The following PCK2 variants were observed in gnomAD, a reference collection of about 807,000 sequenced individuals.
PCK2 encodes phosphoenolpyruvate carboxykinase 2, mitochondrial, also known as phosphoenolpyruvate carboxykinase [GTP], mitochondrial.
PCK2 carries 56 observed loss-of-function variants against 65.9 expected under a neutral mutation model. The ratio of observed to expected loss-of-function variants is 0.85; its 90% CI spans 0.69 to 1.06. PCK2 has a LOEUF of 1.06. PCK2 is among the 50% of genes least tolerant of loss of function. The pLI, the probability that PCK2 is intolerant of heterozygous loss-of-function variation, is 0.00. For synonymous variants in PCK2, 305 were observed against 319.6 expected (o/e 0.95, Z 0.49); for missense variants, 843 against 863.1 (o/e 0.98, Z 0.29).
chr14:24,103,251 C>A lies in PCK2; in HGVS notation c.1464C>A (p.His488Gln). 6.2e-7 allele frequency: 1 copy of A among 1,611,056 alleles called. No homozygotes were observed. Among genetic ancestry groups the A allele is most frequent in the Non-Finnish European group, 8.5e-7 (1 of 1,177,264 alleles). ...MRSESTAAAE[H>Q]KGKIIMHDPF... is the part of the protein sequence containing the mutation. ...CTGAGTCCACTGCTGCAGCAGAACA[C>A]AAAGGTGAGCACCCTCACCATTCCT... Residue 488 changes from histidine (H) to glutamine (Q), a missense_variant, in exon 9 of 10, where the codon CAC (histidine) becomes CAA (glutamine). Coordinates refer to ENST00000216780, the MANE Select transcript of PCK2 (RefSeq NM_004563.4).
At chr14:24,103,447 C>T in intron 9 of PCK2, 63 bp from the exon 10 acceptor site, 1 of 1,382,340 alleles carries the variant, frequency 7.2e-7, no homozygotes, top group South Asian at 1.3e-5. Flanking sequence ...CAACTGGATG[C>T]AGGGTGCCCT....
Position 24,099,034 on chromosome 14 carries a change from C to T in PCK2, c.665-15C>T. ...GATGCTGCTGCCAGCAGCCCCATGA[C>T]CCCATTGTCCCCAGGGGAGCCAGTG... On this transcript the variant is annotated splice_polypyrimidine_tract_variant and intron_variant, in intron 4 of 9. Coordinates refer to ENST00000216780, the MANE Select transcript of PCK2 (RefSeq NM_004563.4). The T allele has an allele frequency of 6.3e-7, 1 of 1,588,340 alleles. No homozygotes were observed. The highest frequency in any genetic ancestry group is 8.6e-7 in the Non-Finnish European group (1 of 1,161,258).
At chr14:24,101,531 C>T (rs551584351) in intron 7 of PCK2, among the ~76,000 whole-genome samples, 1 of 152,348 alleles carries the variant, frequency 6.6e-6, no homozygotes, top group South Asian at 2.1e-4. Context: ...CTGAGGTTAT[C>T]CCTACCCATG....
chr14:24,094,246 C>T (rs1460816482), upstream of PCK2: 4 of 674,064 alleles, frequency 5.9e-6, no homozygotes, highest in Non-Finnish European at 7.5e-6. This position sits in a 1 kb window ranked among gnomAD's most constrained non-coding sequence, Gnocchi z 4.1. Context: ...CTAGTGCCAG[C>T]CCTACCAGGT....
At position 24,103,798 on chromosome 14, in the gene PCK2, G is replaced by A. The variant is rs1345567823; in HGVS notation, c.1757G>A (p.Gly586Asp). Residue 586 changes from glycine to aspartate, a missense_variant, in exon 10 of 10, where the codon GGC (glycine) becomes GAC (aspartate). Transcript: ENST00000216780. ...VPKEGALDLSGLRAIDTTQLF... is the reference protein window; with the variant it reads ...VPKEGALDLSDLRAIDTTQLF... ...AAGGAAGGAGCCTTGGATCTCAGCGGCCTCAGAGCTATAGACACCACTCAG... is the reference window on the plus strand; with the variant it reads ...AAGGAAGGAGCCTTGGATCTCAGCGACCTCAGAGCTATAGACACCACTCAG... The A allele has an allele frequency of 3.7e-6, 6 of 1,614,054 alleles. No individual in the cohort carries two copies. In the African/African-American group the frequency reaches 8.0e-5, roughly 22 times the overall value.
In PCK2 at chr14:24,099,996, T is replaced by G; in HGVS notation, c.1017T>G (p.Gly339=). The part of the protein sequence containing the change: ...DIAWMRFDSE[G]RLRAINPENG... ...CCTTTCTTTCACTTCTCCTAACAGG[T>G]CGACTCCGGGCCATCAACCCTGAGA... The change falls in exon 7 of 10, where the codon GGT becomes GGG. Residue 339 remains glycine (G), a splice_region_variant and synonymous_variant. Coordinates refer to ENST00000216780, the MANE Select transcript of PCK2 (RefSeq NM_004563.4). 6.2e-7 allele frequency: 1 copy of G among 1,614,194 alleles called. No homozygotes were observed.
At chr14:24,096,228 C>CTTTTT (rs34592767) in intron 1 of PCK2, among the ~76,000 whole-genome samples, 8 of 58,882 alleles carry the variant, frequency 1.4e-4, no homozygotes, top group Admixed American at 2.8e-4. Context: ...CTACTCATTT[C>CTTTTT]TTTTTTTTTT....
At chr14:24,099,774 G>A in intron 6 of PCK2, 54 bp downstream of exon 6, 2 of 1,552,492 alleles carry the variant, frequency 1.3e-6, no homozygotes, top group Non-Finnish European at 1.8e-6. Flanking sequence ...GAGCCTCGGG[G>A]TCTCCTCTCT....
At position 24,103,165 on chromosome 14, in the gene PCK2, C is replaced by A. The variant is rs911134655; in HGVS notation, c.1378C>A (p.Pro460Thr). 4 of 1,612,538 alleles carry A rather than the reference C, an allele frequency of 2.5e-6. No homozygotes were observed. The highest frequency in any genetic ancestry group is 1.1e-5 in the South Asian group (1 of 91,024). ...TCTGTTCATTGGTGATCTAGGGGTA[C>A]CCCTGGTATACGAGGCCTTCAACTG... Reference protein sequence around the residue: ...IFGGRRPKGVPLVYEAFNWRH... With the variant: ...IFGGRRPKGVTLVYEAFNWRH... Residue 460 changes from proline to threonine, a missense_variant, in exon 9 of 10, where the codon CCC becomes ACC. By Grantham distance (38) the Pro-to-Thr change is conservative. Transcript: ENST00000216780.
In PCK2 at chr14:24,096,885, C is replaced by A. The variant is rs917842713; in HGVS notation, c.30-7C>A. 3 of 1,610,862 alleles carry A rather than the reference C, an allele frequency of 1.9e-6. No homozygotes were observed. In the African/African-American group the frequency reaches 4.0e-5, roughly 22 times the overall value. ...CAACTAGCTCATTGCCTCTGTTTCT[C>A]CTATAGGCTTAACTGGCATGGGCTG... is the stretch of plus-strand genomic sequence containing the variant. On this transcript the variant is annotated splice_polypyrimidine_tract_variant and splice_region_variant and intron_variant, in intron 1 of 9. Coordinates refer to ENST00000216780, the MANE Select transcript of PCK2 (RefSeq NM_004563.4).
Position 24,094,658 on chromosome 14 carries a change from C to G in PCK2, c.29+224C>G. 2.0e-6 allele frequency: 3 copies of G among 1,504,250 alleles called. No individual in the cohort carries two copies. Among genetic ancestry groups the G allele is most frequent in the Admixed American group, 2.0e-5 (1 of 48,976 alleles). The allele number at this position is 1,504,250 out of a possible 1,614,324, so 93.2% of individuals were successfully genotyped here. A position where few individuals can be genotyped will look rare whatever the true frequency, so the allele number is the denominator to read the frequency against. On this transcript the variant is annotated intron_variant, in intron 1 of 9. Transcript: ENST00000216780. This position sits in a 1 kb window ranked among gnomAD's most constrained non-coding sequence, Gnocchi z 4.1. ...CGCCTGCACCTCCCCTTCTCTGCCT[C>G]GCTCGCCTCTGACCGCGCGATCTCT...
intron 1 of PCK2, chr14:24,095,346 G>A (rs2036821021): frequency 2.4e-6 from 1 of 417,550 alleles, no homozygotes; most frequent in Non-Finnish European, 4.9e-6. Flanking sequence ...GATGCTCACG[G>A]AGAACTTCCC....
chr14:24,102,028 C>T (rs2037180761), intron 7 of PCK2, among the ~76,000 whole-genome samples: 1 of 151,896 alleles, frequency 6.6e-6, no homozygotes, highest in Non-Finnish European at 1.5e-5. Flanking sequence ...GAGTTTGAAA[C>T]CAGCCTGGCC....
chr14:24,099,936 G>C (rs2037089034), intron 6 of PCK2, 59 bp from the exon 7 acceptor site: 4 of 1,613,632 alleles, frequency 2.5e-6, no homozygotes, highest in African/African-American at 1.3e-5. Flanking sequence ...GACCTTCTTT[G>C]GTCTTACATC....
At position 24,103,621 on chromosome 14, in the gene PCK2, C is replaced by T. The variant is rs2138979547; in HGVS notation, c.1580C>T (p.Pro527Leu). The change falls in exon 10 of 10, where the codon CCC becomes CTC. Residue 527 changes from proline (P) to leucine (L), a missense_variant. Physicochemically the swap from Pro to Leu is moderately conservative, Grantham distance 98. Coordinates refer to ENST00000216780, the MANE Select transcript of PCK2 (RefSeq NM_004563.4). ...SMEGRKGAQLPRIFHVNWFRR... is the reference protein window; with the variant it reads ...SMEGRKGAQLLRIFHVNWFRR... Reference sequence around the variant, plus strand: ...GAAGGGCGCAAGGGGGCCCAGCTGCCCCGTATCTTCCATGTCAACTGGTTC... The same window carrying T: ...GAAGGGCGCAAGGGGGCCCAGCTGCTCCGTATCTTCCATGTCAACTGGTTC... 1 of 1,613,902 alleles carries T rather than the reference C, an allele frequency of 6.2e-7. No homozygotes were observed. Among genetic ancestry groups the T allele is most frequent in the Non-Finnish European group, 8.5e-7 (1 of 1,179,828 alleles).
At chr14:24,099,337 C>T in intron 5 of PCK2, 101 bp downstream of exon 5, 1 of 1,234,484 alleles carries the variant, frequency 8.1e-7, no homozygotes, top group African/African-American at 1.5e-5. Context: ...AGGTGCCAGG[C>T]TGGTGGGCGG....
chr14:24,099,880 C>G, intron 6 of PCK2, 115 bp from the exon 7 acceptor site: 1 of 1,589,152 alleles, frequency 6.3e-7, no homozygotes, highest in Non-Finnish European at 8.6e-7. Flanking sequence ...ACAGCCTTTC[C>G]TCATCAGATC....
At chr14:24,099,412 C>A in intron 5 of PCK2, 146 bp from the exon 6 acceptor site, 2 of 1,001,076 alleles carry the variant, frequency 2.0e-6, no homozygotes, top group Non-Finnish European at 2.9e-6. Context: ...TCCCCTGCCA[C>A]TAACCCAGGC....
intron 6 of PCK2, 40 bp downstream of exon 6, chr14:24,099,760 G>C (rs374793084): frequency 2.6e-5 from 42 of 1,589,260 alleles, no homozygotes; most frequent in Admixed American, 6.7e-5. Flanking sequence ...TCTGGCTCTT[G>C]TCAGAGCCTC....
Sources: gnomAD v4.1 joint callset for allele counts (sites outside exome capture counted in the v4.1 genomes callset) on GRCh38, gnomAD v4.1.1 for gene constraint, Gnocchi (gnomAD v3.1) non-coding constraint, MANE v1.5 for transcripts, NCBI Gene and HGNC (gene_info 2026-07-23, HGNC 2026-07-21) for gene names.